The following PCDHA8 variants were observed in gnomAD, a reference collection of about 807,000 sequenced individuals.
PCDHA8 encodes the protein protocadherin alpha 8.
In PCDHA8, 53 loss-of-function variants were observed where a neutral mutation model predicts 61.8. The observed-to-expected ratio is 0.86, with a 90% CI of 0.69 to 1.08. The LOEUF (loss-of-function observed/expected upper bound fraction) is 1.08. Among genes scored for constraint, PCDHA8 ranks in the 50% least tolerant of loss-of-function variants. PCDHA8 has a pLI of 0.00. For synonymous variants in PCDHA8, 618 were observed against 556.6 expected, an observed-to-expected ratio of 1.11 and a Z score of -1.55; for missense variants, 1,293 against 1,245.0, an observed-to-expected ratio of 1.04 and a Z score of -0.58.
chr5:140,966,982 G>C, intron 1 of PCDHA8: 1 of 1,603,506 alleles, frequency 6.2e-7, no homozygotes, highest in Non-Finnish European at 8.5e-7. Flanking sequence ...TGCGGCGCTT[G>C]GGGCCGGGTT....
Position 140,877,183 on chromosome 5 carries a change from G to A in PCDHA8, c.2394+33468G>A, listed in dbSNP as rs201399892. 787 of 1,613,846 alleles carry A rather than the reference G, an allele frequency of 4.9e-4. 5 individuals are homozygous for A. The African/African-American group carries it at 9.2e-3, about 19-fold the overall frequency. ...GCCGGCACTGCTGGCGACTCCGGCT[G>A]GCAGCGCAGGAGGCGCAGTTAGCGA... On this transcript the variant is annotated intron_variant, in intron 1 of 3. Transcript: ENST00000531613.
intron 1 of PCDHA8, among the ~76,000 whole-genome samples, chr5:140,845,892 T>C (rs1282025011): frequency 4.0e-5 from 6 of 149,784 alleles, no homozygotes; most frequent in African/African-American, 1.5e-4. Context: ...CAGAAAGTCG[T>C]TATGGCCTTC....
chr5:140,977,720 A>C (rs1156806702), intron 1 of PCDHA8, among the ~76,000 whole-genome samples: 1 of 152,202 alleles, frequency 6.6e-6, no homozygotes, highest in African/African-American at 2.4e-5. Flanking sequence ...GATGGTGATC[A>C]TTTCTCTCCT....
intron 1 of PCDHA8, chr5:140,967,465 C>T: frequency 1.2e-6 from 2 of 1,613,512 alleles, no homozygotes; most frequent in Non-Finnish European, 1.7e-6. Flanking sequence ...TGGATGGGGG[C>T]ATCCCAGCCC....
chr5:140,926,812 G>T (rs908940607), intron 1 of PCDHA8: 28 of 1,458,972 alleles, frequency 1.9e-5, no homozygotes, highest in African/African-American at 2.8e-5. Flanking sequence ...CCCGCGGCTC[G>T]TGCTCTCCAG....
intron 1 of PCDHA8, among the ~76,000 whole-genome samples, chr5:140,901,849 A>AT (rs1167488433): frequency 2.0e-5 from 3 of 151,932 alleles, no homozygotes; most frequent in Non-Finnish European, 4.4e-5. Context: ...ATATCTTTCC[A>AT]TTTTTTTGTG....
chr5:140,953,648 A>C (rs2094921161), intron 1 of PCDHA8, among the ~76,000 whole-genome samples: 1 of 152,150 alleles, frequency 6.6e-6, no homozygotes, highest in Non-Finnish European at 1.5e-5. Flanking sequence ...CAGGAGCTAT[A>C]GTTGTTATCT....
intron 1 of PCDHA8, chr5:140,860,060 G>A (rs1238594068): frequency 2.0e-5 from 3 of 151,870 alleles, no homozygotes; most frequent in Admixed American, 6.6e-5. Context: ...AGGCCAAGGT[G>A]GGAGGATGGT....
chr5:140,846,853 G>A (rs1277401160), intron 1 of PCDHA8, among the ~76,000 whole-genome samples: 1 of 149,686 alleles, frequency 6.7e-6, no homozygotes, highest in East Asian at 1.9e-4. Flanking sequence ...TGCAAGGCAA[G>A]ATAATGTAAC....
chr5:140,853,419 G>A lies in PCDHA8; in HGVS notation c.2394+9704G>A, dbSNP rs2150531537. The A allele has an allele frequency of 1.0e-5, 10 of 986,026 alleles. No individual in the cohort carries two copies. The East Asian group carries it at 1.1e-3, about 112-fold the overall frequency. 61.1% of individuals were successfully genotyped at this position (986,026 alleles called of 1,614,324 possible). On this transcript the variant is annotated intron_variant, in intron 1 of 3. Coordinates refer to ENST00000531613, the MANE Select transcript of PCDHA8 (RefSeq NM_018911.3). ...AGTTCAAAACAGAGAGGTGAAAGCA[G>A]AAGAGACACTTTCCTATTTTGCCTA... is the stretch of plus-strand genomic sequence containing the variant.
In PCDHA8 at chr5:140,958,926, C is replaced by T. The variant is rs2095452227; in HGVS notation, c.2395-20023C>T. Among the ~76,000 whole-genome samples the T allele has an allele frequency of 2.1e-5, 3 of 143,506 alleles. No individual in the cohort carries two copies. The Admixed American group carries it at 2.1e-4, about 10-fold the overall frequency. The allele number at this position is 143,506 out of a possible 152,430, so 94.1% of individuals were successfully genotyped here. A position where few individuals can be genotyped will look rare whatever the true frequency, so the allele number is the denominator to read the frequency against. Reference sequence around the variant, plus strand: ...AGAAAAGTCTGCCTGGGTGTGGTGGCTCATACTTGTAATAATATTATATTA... The same window carrying T: ...AGAAAAGTCTGCCTGGGTGTGGTGGTTCATACTTGTAATAATATTATATTA... On this transcript the variant is annotated intron_variant, in intron 1 of 3. Transcript: ENST00000531613.
intron 1 of PCDHA8, among the ~76,000 whole-genome samples, chr5:140,905,881 T>C (rs1241086266): frequency 1.3e-5 from 2 of 152,080 alleles, no homozygotes; most frequent in Non-Finnish European, 2.9e-5. Context: ...GGCCCAACAA[T>C]AGGCCATCTG....
chr5:140,849,581 C>T lies in PCDHA8; in HGVS notation c.2394+5866C>T. The T allele has an allele frequency of 3.1e-6, 5 of 1,598,698 alleles. 1 individual carries two copies. Among genetic ancestry groups the T allele is most frequent in the Non-Finnish European group, 4.3e-6 (5 of 1,167,986 alleles). On this transcript the variant is annotated intron_variant, in intron 1 of 3. Transcript: ENST00000531613. ...CGCTCTCGGTTCCTGTAAAAGAGGA[C>T]GCACAACTGGGGACAGTTATTGCCC...
At position 140,852,833 on chromosome 5, in the gene PCDHA8, T is replaced by G. The variant is rs2150523071; in HGVS notation, c.2394+9118T>G. On this transcript the variant is annotated intron_variant, in intron 1 of 3. Coordinates refer to ENST00000531613, the MANE Select transcript of PCDHA8 (RefSeq NM_018911.3). ...CCCGCCCTAAGTCCTCCAGTCTCCT[T>G]AGAGCTAGTACTTACTAAGCATTTA... 7.2e-6 allele frequency: 7 copies of G among 971,734 alleles called. No individual in the cohort carries two copies. The African/African-American group carries it at 1.1e-4, about 15-fold the overall frequency. The allele number at this position is 971,734 out of a possible 1,614,324, so 60.2% of individuals were successfully genotyped here.
At chr5:140,950,551 G>T (rs1162032370) in intron 1 of PCDHA8, among the ~76,000 whole-genome samples, 1 of 151,932 alleles carries the variant, frequency 6.6e-6, no homozygotes, top group African/African-American at 2.4e-5. Context: ...CATGGCTGGG[G>T]GGACACTTAT....
intron 3 of PCDHA8, among the ~76,000 whole-genome samples, chr5:141,004,794 G>A (rs1272334301): frequency 6.6e-6 from 1 of 152,144 alleles, no homozygotes; most frequent in Non-Finnish European, 1.5e-5. Context: ...GGCAGATTCT[G>A]GCTGAGCTCA....
At chr5:140,865,269 T>C (rs2048801874) in intron 1 of PCDHA8, 1 of 152,262 alleles carries the variant, frequency 6.6e-6, no homozygotes. Flanking sequence ...TATCAAATTA[T>C]ATGTAAAATT....
chr5:140,987,936 T>C lies in PCDHA8; in HGVS notation c.2542+5373T>C, dbSNP rs80117115. Among the ~76,000 whole-genome samples the C allele has an allele frequency of 7.9e-3, 1,205 of 152,348 alleles. 20 individuals are homozygous for C. Among genetic ancestry groups the C allele is most frequent in the African/African-American group, 0.027 (1,136 of 41,570 alleles). On this transcript the variant is annotated intron_variant, in intron 3 of 3. Coordinates refer to ENST00000531613, the MANE Select transcript of PCDHA8 (RefSeq NM_018911.3). ...TATTCTTAATTGTCTCAAGGATTCT[T>C]ACCTGTCTGACAAAACCAACTCCCC...
intron 1 of PCDHA8, among the ~76,000 whole-genome samples, chr5:140,932,192 TTC>T (rs2088100364): frequency 6.6e-6 from 1 of 151,968 alleles, no homozygotes. Context: ...GTCCATTTTT[TTC>T]TGTTAATATT....
Sources: allele counts gnomAD v4.1 joint callset (sites outside exome capture counted in the v4.1 genomes callset), GRCh38; gene constraint gnomAD v4.1.1; transcripts MANE v1.5; gene names NCBI Gene and HGNC (gene_info 2026-07-23, HGNC 2026-07-21).